The following ALS2 variants were observed in gnomAD, a reference collection of about 807,000 sequenced individuals.
ALS2 encodes alsin Rho guanine nucleotide exchange factor ALS2, also known as alsin.
In ALS2, 117 loss-of-function variants were observed where a neutral mutation model predicts 203.4. The observed-to-expected ratio is 0.58, with a 90% CI of 0.50 to 0.67. The LOEUF (loss-of-function observed/expected upper bound fraction) is 0.67, where lower values mean the gene tolerates loss of function less well. Ranked by LOEUF, ALS2 falls within the 30% of genes least tolerant of loss-of-function variation. ALS2 has a pLI of 0.00. For synonymous variants in ALS2, 718 were observed against 725.9 expected (o/e 0.99, Z 0.17); for missense variants, 1,715 against 1,989.4 (o/e 0.86, Z 2.62).
chr2:201,725,295 A>G, intron 20 of ALS2, 61 bp downstream of exon 20: 2 of 1,417,438 alleles, frequency 1.4e-6, no homozygotes, highest in Admixed American at 3.4e-5. Context: ...CTATGCAAAC[A>G]TTCAGGTTTA....
intron 23 of ALS2, among the ~76,000 whole-genome samples, chr2:201,720,857 G>C (rs1417385743): frequency 6.6e-6 from 1 of 151,962 alleles, no homozygotes; most frequent in Admixed American, 6.6e-5. Context: ...ACAAGAAAAA[G>C]AAATAAAAGC....
chr2:201,728,884 G>A (rs1030924160), intron 14 of ALS2, among the ~76,000 whole-genome samples, 168 bp downstream of exon 14: 3 of 152,218 alleles, frequency 2.0e-5, no homozygotes, highest in African/African-American at 7.2e-5. Context: ...TTCTAGAAAT[G>A]AGAGAAGGTA....
chr2:201,724,032 C>A (rs1434046163), intron 21 of ALS2, among the ~76,000 whole-genome samples: 1 of 152,034 alleles, frequency 6.6e-6, no homozygotes, highest in Non-Finnish European at 1.5e-5. Context: ...GTAGGAGGAT[C>A]CCTTGAACCC....
chr2:201,731,654 A>C (rs1368331833), intron 13 of ALS2, among the ~76,000 whole-genome samples: 1 of 151,940 alleles, frequency 6.6e-6, no homozygotes, highest in Non-Finnish European at 1.5e-5. Context: ...TATGACGTCA[A>C]GGCTGTGCCT....
In ALS2 at chr2:201,761,259, T is replaced by G. The variant is rs1210549590; in HGVS notation, c.735A>C (p.Lys245Asn). The G allele has an allele frequency of 6.2e-7, 1 of 1,614,180 alleles. No homozygotes were observed. The highest frequency in any genetic ancestry group is 8.5e-7 in the Non-Finnish European group (1 of 1,180,040). Residue 245 changes from lysine to asparagine, a missense_variant, in exon 4 of 34, where the codon AAA becomes AAC. By Grantham distance (94) the Lys-to-Asn change is moderately conservative. Coordinates refer to ENST00000264276, the MANE Select transcript of ALS2 (RefSeq NM_020919.4). ...CSQLLITMTD[K>N]EDHVIISDSH... ...TGTCTGATATAATCACATGGTCTTCTTTGTCAGTCATAGTAATCAAGAGCT... is the reference window on the plus strand; with the variant it reads ...TGTCTGATATAATCACATGGTCTTCGTTGTCAGTCATAGTAATCAAGAGCT...
intron 13 of ALS2, among the ~76,000 whole-genome samples, chr2:201,730,340 A>C (rs145797602): frequency 6.6e-6 from 1 of 152,344 alleles, no homozygotes; most frequent in Admixed American, 6.5e-5. Flanking sequence ...TGAATTATGC[A>C]GATTTTCCAA....
intron 4 of ALS2, chr2:201,760,369 G>A (rs1693684837): frequency 2.0e-6 from 2 of 986,282 alleles, no homozygotes; most frequent in African/African-American, 3.5e-5. Flanking sequence ...AGCCCAGTAA[G>A]GACCACAGCT....
At chr2:201,724,690 T>TA (rs1691037470) in intron 20 of ALS2, among the ~76,000 whole-genome samples, 1 of 152,252 alleles carries the variant, frequency 6.6e-6, no homozygotes, top group South Asian at 2.1e-4. Flanking sequence ...AATGTGTTTT[T>TA]ATTCTCTTAT....
rs188236953 is a variant in ALS2 at position 201,718,011 on chromosome 2, C to T, written c.3836+66G>A. 2.9e-5 allele frequency: 44 copies of T among 1,534,044 alleles called. No homozygotes were observed. In the East Asian group the frequency reaches 5.9e-4, roughly 21 times the overall value. ...ACTTTGCTTTTAAAATATTAACCAG[C>T]TTTGATAAAAGCAAGACAACTCCAA... On this transcript the variant is annotated intron_variant, in intron 24 of 33. Coordinates refer to ENST00000264276, the MANE Select transcript of ALS2 (RefSeq NM_020919.4).
intron 33 of ALS2, among the ~76,000 whole-genome samples, chr2:201,702,804 T>A (rs1156255760): frequency 1.3e-5 from 2 of 152,176 alleles, no homozygotes; most frequent in African/African-American, 4.8e-5. Flanking sequence ...CTCCCCCTTT[T>A]CAGTTTATTT....
chr2:201,714,674 T>C (rs1336536431), intron 25 of ALS2, among the ~76,000 whole-genome samples: 1 of 152,220 alleles, frequency 6.6e-6, no homozygotes, highest in East Asian at 1.9e-4. Flanking sequence ...CTGTGGGCCA[T>C]GGTGCCAATG....
At chr2:201,764,686 A>AAATAAAT (rs879746657) in intron 3 of ALS2, among the ~76,000 whole-genome samples, 4 of 144,032 alleles carry the variant, frequency 2.8e-5, no homozygotes, top group Admixed American at 6.8e-5. Context: ...AATAAATAAA[A>AAATAAAT]GTGAATCAAT....
At chr2:201,724,930 G>A (rs966838639) in intron 20 of ALS2, among the ~76,000 whole-genome samples, 25 of 151,946 alleles carry the variant, frequency 1.6e-4, no homozygotes, top group African/African-American at 4.1e-4. Flanking sequence ...TGGCTAACGC[G>A]GTGAAACCCT....
chr2:201,738,408 G>C, intron 12 of ALS2: 1 of 492,182 alleles, frequency 2.0e-6, no homozygotes, highest in South Asian at 2.1e-5. Flanking sequence ...GGTAAAGAGA[G>C]TTGTCCAAAG....
intron 25 of ALS2, among the ~76,000 whole-genome samples, chr2:201,714,461 A>G (rs182450159): frequency 3.9e-4 from 59 of 152,330 alleles, no homozygotes; most frequent in African/African-American, 1.3e-3. Context: ...AGGAGAGATC[A>G]TGGAAAGCTT....
chr2:201,754,003 TTTTTC>T lies in ALS2; in HGVS notation c.1640+495_1640+499del, dbSNP rs537940682. 5.2e-3 allele frequency among the ~76,000 whole-genome samples: 787 copies of T among 151,970 alleles called. 17 individuals carry two copies. Among genetic ancestry groups the T allele is most frequent in the East Asian group, 0.011 (57 of 5,168 alleles). ...GATACTTAAGTCTTTTACTGCTTTT[TTTTTC>T]TTTTCCTTTTTTTTTTTTTGAGATA... is the stretch of plus-strand genomic sequence containing the variant. On this transcript the variant is annotated intron_variant, in intron 6 of 33. Transcript: ENST00000264276.
chr2:201,744,069 C>A (rs1252207514), intron 10 of ALS2, among the ~76,000 whole-genome samples, 189 bp downstream of exon 10: 4 of 152,104 alleles, frequency 2.6e-5, no homozygotes, highest in Non-Finnish European at 5.9e-5. Context: ...TAGGACAGGG[C>A]AGGGGCAGTG....
chr2:201,764,621 G>C (rs369608141), intron 3 of ALS2, among the ~76,000 whole-genome samples: 2 of 150,272 alleles, frequency 1.3e-5, no homozygotes, highest in Admixed American at 6.6e-5. Context: ...GCAACAGAGC[G>C]AGACTCCGTC....
In ALS2 at chr2:201,706,838, A is replaced by C. The variant is rs972409177; in HGVS notation, c.4580+8T>G. 2 of 1,613,990 alleles carry C rather than the reference A, an allele frequency of 1.2e-6. No individual in the cohort carries two copies. Among genetic ancestry groups the C allele is most frequent in the Non-Finnish European group, 1.7e-6 (2 of 1,179,928 alleles). ...CCATTTGGTTGCGCTTGTAACTACT[A>C]CACTTACCTCTGCACCCCAAGAAAG... is the stretch of plus-strand genomic sequence containing the variant. On this transcript the variant is annotated splice_region_variant and intron_variant, in intron 29 of 33. Coordinates refer to ENST00000264276, the MANE Select transcript of ALS2 (RefSeq NM_020919.4).
Sources: gnomAD v4.1 joint callset for allele counts (sites outside exome capture counted in the v4.1 genomes callset) on GRCh38, gnomAD v4.1.1 for gene constraint, MANE v1.5 for transcripts, NCBI Gene and HGNC (gene_info 2026-07-23, HGNC 2026-07-21) for gene names.